ADGRE5: variants seen among roughly 807,000 people sequenced by gnomAD.
ADGRE5 encodes CD97 molecule.
In ADGRE5, 72 loss-of-function variants were observed where a neutral mutation model predicts 100.3. The observed-to-expected ratio is 0.72, with a 90% CI of 0.59 to 0.87. ADGRE5 has a LOEUF of 0.87. Ranked by LOEUF, ADGRE5 falls within the 40% of genes least tolerant of loss-of-function variation. The pLI is 0.00. For synonymous variants in ADGRE5, 439 were observed against 447.8 expected, an observed-to-expected ratio of 0.98 and a Z score of 0.25; for missense variants, 959 against 1,094.7, an observed-to-expected ratio of 0.88 and a Z score of 1.75.
In ADGRE5 at chr19:14,402,359, T is replaced by C. The variant is rs1416241470; in HGVS notation, c.1184-238T>C. The stretch of plus-strand genomic sequence containing the variant: ...CTGAGACAGAAGAATTGCTTGAACC[T>C]GGGGAGTGGAGGTTGCAGTGAGCTG... On this transcript the variant is annotated intron_variant, in intron 11 of 19. Coordinates refer to ENST00000242786, the MANE Select transcript of ADGRE5 (RefSeq NM_078481.4). Among the ~76,000 whole-genome samples the C allele has an allele frequency of 5.3e-5, 8 of 149,782 alleles. 1 individual carries two copies. The highest frequency in any genetic ancestry group is 4.7e-4 in the Admixed American group (7 of 15,000).
At chr19:14,384,713 C>T (rs1975273414) in intron 1 of ADGRE5, among the ~76,000 whole-genome samples, 1 of 151,770 alleles carries the variant, frequency 6.6e-6, no homozygotes, top group South Asian at 2.1e-4. Flanking sequence ...TCTCTGTTCT[C>T]TCTGTCCCAT....
At position 14,406,034 on chromosome 19, in the gene ADGRE5, G is replaced by A; in HGVS notation, c.1821+95G>A. 2 of 1,115,062 alleles carry A rather than the reference G, an allele frequency of 1.8e-6. No individual in the cohort carries two copies. The highest frequency in any genetic ancestry group is 2.5e-6 in the Non-Finnish European group (2 of 801,774). 69.1% of individuals were successfully genotyped at this position (1,115,062 alleles called of 1,614,324 possible). On this transcript the variant is annotated intron_variant, in intron 14 of 19. Coordinates refer to ENST00000242786, the MANE Select transcript of ADGRE5 (RefSeq NM_078481.4). This position sits in a 1 kb window ranked among gnomAD's most constrained non-coding sequence, Gnocchi z 6.0. Reference sequence around the variant, plus strand: ...CTCCCGGGGCTCAGTCGGGTAGGCGGGCCCTGGAGGCATGAGGCCCCGCCC... The same window carrying A: ...CTCCCGGGGCTCAGTCGGGTAGGCGAGCCCTGGAGGCATGAGGCCCCGCCC...
At chr19:14,394,474 C>T (rs1483618628) in intron 4 of ADGRE5, among the ~76,000 whole-genome samples, 1 of 152,150 alleles carries the variant, frequency 6.6e-6, no homozygotes, top group African/African-American at 2.4e-5. Context: ...GATCACCCGT[C>T]TTTGTCCCAA....
intron 11 of ADGRE5, 123 bp from the exon 12 acceptor site, chr19:14,402,474 C>T (rs969607061): frequency 2.7e-5 from 25 of 930,756 alleles, no homozygotes; most frequent in Middle Eastern, 3.4e-4. Flanking sequence ...ACTGACTCAT[C>T]GGGAGGGGCT....
At chr19:14,397,964 C>A (rs555908112) in intron 8 of ADGRE5, 29 bp downstream of exon 8, 1 of 1,451,666 alleles carries the variant, frequency 6.9e-7, no homozygotes, top group Non-Finnish European at 9.5e-7. Context: ...GACGAGGCGG[C>A]GGGAACTCCA....
chr19:14,392,620 A>G (rs879671769), intron 4 of ADGRE5, among the ~76,000 whole-genome samples: 2 of 152,182 alleles, frequency 1.3e-5, no homozygotes, highest in Non-Finnish European at 2.9e-5. Flanking sequence ...AGTATTTAAC[A>G]GGCTGGGCAC....
chr19:14,395,271 A>G (rs1568312183), intron 4 of ADGRE5, among the ~76,000 whole-genome samples: 1 of 150,726 alleles, frequency 6.6e-6, no homozygotes, highest in Non-Finnish European at 1.5e-5. Flanking sequence ...ATTGCACTCC[A>G]GCCTGGGCAA....
rs771117966 is a variant in ADGRE5, at chr19:14,407,927, A to G, written c.2396A>G (p.Lys799Arg). ...CGGCAGGTTCGGGAAGAATACCGGA[A>G]GTGGGCCTGCCTAGTTGCTGGGGGG... is the stretch of plus-strand genomic sequence containing the variant. The part of the protein sequence containing the change: ...LNKKVREEYR[K>R]WACLVAGGSK... Residue 799 changes from lysine (K) to arginine (R), a missense_variant, in exon 19 of 20, where the codon AAG becomes AGG. Transcript: ENST00000242786. The G allele has an allele frequency of 4.3e-5, 69 of 1,613,990 alleles. No individual in the cohort carries two copies. The East Asian group carries it at 1.1e-3, about 26-fold the overall frequency.
chr19:14,395,355 G>A (rs895055344), intron 4 of ADGRE5, among the ~76,000 whole-genome samples: 5 of 151,742 alleles, frequency 3.3e-5, no homozygotes, highest in Non-Finnish European at 7.4e-5. Context: ...GAAGGAGGCG[G>A]CTCCAGCCTG....
At chr19:14,390,151 G>GAGGGAGGA (rs1975548822) in intron 3 of ADGRE5, among the ~76,000 whole-genome samples, 1 of 143,492 alleles carries the variant, frequency 7.0e-6, no homozygotes, top group Non-Finnish European at 1.5e-5. Flanking sequence ...GGGAAGGAGG[G>GAGGGAGGA]AGGAAGGAAG....
Position 14,408,067 on chromosome 19 carries a change from C to T in ADGRE5, c.2479-25C>T, listed in dbSNP as rs770610284. 10 of 1,613,980 alleles carry T rather than the reference C, an allele frequency of 6.2e-6. No homozygotes were observed. The Admixed American group carries it at 1.5e-4, about 24-fold the overall frequency. Reference sequence around the variant, plus strand: ...GGAAGGCACCAGGGCTAGCGGGGCTCAGGCCTCTGGGCTCTCCTCTCCAGG... The same window carrying T: ...GGAAGGCACCAGGGCTAGCGGGGCTTAGGCCTCTGGGCTCTCCTCTCCAGG... On this transcript the variant is annotated intron_variant, in intron 19 of 19. Coordinates refer to ENST00000242786, the MANE Select transcript of ADGRE5 (RefSeq NM_078481.4).
Position 14,401,246 on chromosome 19 carries a change from T to G in ADGRE5, c.898-140T>G. Reference sequence around the variant, plus strand: ...CAAATACTCAATCCGTCGCTTGTTTTCTGGTTACTGCATCATCTCAGTGAT... The same window carrying G: ...CAAATACTCAATCCGTCGCTTGTTTGCTGGTTACTGCATCATCTCAGTGAT... On this transcript the variant is annotated intron_variant, in intron 9 of 19. Transcript: ENST00000242786. The surrounding 1 kb of genome is among the most constrained non-coding windows in gnomAD (Gnocchi z 4.1). 1 of 683,522 alleles carries G rather than the reference T, an allele frequency of 1.5e-6. No individual in the cohort carries two copies. The highest frequency in any genetic ancestry group is 2.4e-6 in the Non-Finnish European group (1 of 409,370). 42.3% of individuals were successfully genotyped at this position (683,522 alleles called of 1,614,324 possible). A position where few individuals can be genotyped will look rare whatever the true frequency, so the allele number is the denominator to read the frequency against.
At position 14,404,268 on chromosome 19, in the gene ADGRE5, A is replaced by G. The variant is rs1463288076; in HGVS notation, c.1450-115A>G. The G allele has an allele frequency of 2.3e-5, 20 of 886,976 alleles. No homozygotes were observed. In the Admixed American group the frequency reaches 3.9e-4, roughly 17 times the overall value. The allele number at this position is 886,976 out of a possible 1,614,324, so 54.9% of individuals were successfully genotyped here. Reference sequence around the variant, plus strand: ...TGTCTCCAAACCTGTTACATTCAGTAGGCGCTCGGTCAATACTCATCTAGT... The same window carrying G: ...TGTCTCCAAACCTGTTACATTCAGTGGGCGCTCGGTCAATACTCATCTAGT... On this transcript the variant is annotated intron_variant, in intron 12 of 19. Transcript: ENST00000242786.
In ADGRE5 at chr19:14,401,552, C is replaced by G; in HGVS notation, c.1064C>G (p.Pro355Arg). 6.2e-7 allele frequency: 1 copy of G among 1,614,088 alleles called. No individual in the cohort carries two copies. Among genetic ancestry groups the G allele is most frequent in the Non-Finnish European group, 8.5e-7 (1 of 1,179,964 alleles). Reference sequence around the variant, plus strand: ...AAAGGCCCCTTCACCTACATTTCCCCTTCGAACACAGGTGAGGCCTTGGCC... The same window carrying G: ...AAAGGCCCCTTCACCTACATTTCCCGTTCGAACACAGGTGAGGCCTTGGCC... ...LPKGPFTYISPSNTELTLMIQ... is the reference protein window; with the variant it reads ...LPKGPFTYISRSNTELTLMIQ... Residue 355 changes from proline (P) to arginine (R), a missense_variant, in exon 10 of 20, where the codon CCT becomes CGT. Physicochemically the swap from Pro to Arg is moderately radical, Grantham distance 103. Around this residue, in one of 6 missense-constraint regions of ADGRE5, gnomAD observed 246 missense variants for 242.2 expected, o/e 1.02. Transcript: ENST00000242786. The surrounding 1 kb of genome is among the most constrained non-coding windows in gnomAD (Gnocchi z 4.1).
At chr19:14,389,021 G>T (rs1195511611) in intron 3 of ADGRE5, among the ~76,000 whole-genome samples, 1 of 149,270 alleles carries the variant, frequency 6.7e-6, no homozygotes, top group Non-Finnish European at 1.5e-5. Context: ...CAGATCGTTT[G>T]AGGCCAGGAG....
At chr19:14,396,227 G>A in intron 4 of ADGRE5, 115 bp from the exon 5 acceptor site, 1 of 1,592,492 alleles carries the variant, frequency 6.3e-7, no homozygotes, top group Non-Finnish European at 8.6e-7. Flanking sequence ...GATTGGAAAA[G>A]GGAGGAGACA....
At chr19:14,396,513 C>T (rs371640173) in intron 5 of ADGRE5, 40 bp downstream of exon 5, 163 of 1,613,126 alleles carry the variant, frequency 1.0e-4, no homozygotes, top group Non-Finnish European at 1.3e-4. Flanking sequence ...TGGACGGGAG[C>T]TGGGGATGGA....
At chr19:14,402,515 C>A in intron 11 of ADGRE5, 82 bp from the exon 12 acceptor site, 1 of 1,467,364 alleles carries the variant, frequency 6.8e-7, no homozygotes, top group Non-Finnish European at 9.4e-7. Context: ...CTGGCTGAGC[C>A]TGAGCTGGGT....
At chr19:14,391,210 C>T in intron 4 of ADGRE5, 131 bp downstream of exon 4, 1 of 1,152,026 alleles carries the variant, frequency 8.7e-7, no homozygotes, top group East Asian at 2.4e-5. Context: ...GGGACAGGTG[C>T]ACATGTACCT....
Sources: gnomAD v4.1 joint callset for allele counts (sites outside exome capture counted in the v4.1 genomes callset) on GRCh38, gnomAD v4.1.1 for gene constraint, gnomAD v4.1.1 regional missense constraint, Gnocchi (gnomAD v3.1) non-coding constraint, MANE v1.5 for transcripts, NCBI Gene and HGNC (gene_info 2026-07-23, HGNC 2026-07-21) for gene names.